The following EPB41L5 variants were observed in gnomAD, a reference collection of about 807,000 sequenced individuals.
EPB41L5 encodes band 4.1-like protein 5.
In EPB41L5, 55 loss-of-function variants were observed where a neutral mutation model predicts 106.6. That is an observed-to-expected ratio of 0.52 (90% CI 0.42 to 0.65). The LOEUF (loss-of-function observed/expected upper bound fraction) is 0.65, where lower values mean the gene tolerates loss of function less well. Ranked by LOEUF, EPB41L5 falls within the 30% of genes least tolerant of loss-of-function variation. The pLI is 0.00. For missense variants in EPB41L5, 871 were observed against 882.1 expected (o/e 0.99, Z 0.16); for synonymous variants, 297 against 306.7 (o/e 0.97, Z 0.33).
At chr2:120,076,162 C>T (rs1390050526) in intron 7 of EPB41L5, among the ~76,000 whole-genome samples, 1 of 152,126 alleles carries the variant, frequency 6.6e-6, no homozygotes, top group Non-Finnish European at 1.5e-5. Context: ...GTGCATTGTT[C>T]AGATTTTTCC....
At chr2:120,167,563 A>G in intron 23 of EPB41L5, 56 bp downstream of exon 23, 2 of 1,536,864 alleles carry the variant, frequency 1.3e-6, no homozygotes, top group East Asian at 4.5e-5. Context: ...GGTAAGGCCT[A>G]AAGGATTACT....
At chr2:120,164,700 T>C in intron 21 of EPB41L5, 136 bp from the exon 22 acceptor site, 1 of 556,250 alleles carries the variant, frequency 1.8e-6, no homozygotes, top group Non-Finnish European at 3.2e-6. Flanking sequence ...CCATGATTTA[T>C]GAGTGTCCCT....
At chr2:120,022,989 G>A (rs1034192616) in intron 2 of EPB41L5, among the ~76,000 whole-genome samples, 1 of 152,132 alleles carries the variant, frequency 6.6e-6, no homozygotes, top group Non-Finnish European at 1.5e-5. Context: ...TTTTTGAGAA[G>A]TGTCCATTCA....
chr2:120,068,608 G>A (rs1681623646), intron 3 of EPB41L5, among the ~76,000 whole-genome samples: 1 of 152,180 alleles, frequency 6.6e-6, no homozygotes, highest in African/African-American at 2.4e-5. Context: ...GGACTGGGCA[G>A]AGCCCATGTC....
chr2:120,170,923 T>A (rs1194075516), intron 24 of EPB41L5, among the ~76,000 whole-genome samples: 1 of 152,234 alleles, frequency 6.6e-6, no homozygotes, highest in East Asian at 1.9e-4. Flanking sequence ...TTCTACATGC[T>A]GATTACAGAG....
chr2:120,132,623 G>A (rs1685753133), intron 18 of EPB41L5, among the ~76,000 whole-genome samples: 1 of 152,098 alleles, frequency 6.6e-6, no homozygotes, highest in Non-Finnish European at 1.5e-5. Flanking sequence ...ATAGCTGTTA[G>A]AAGGTGATTC....
intron 20 of EPB41L5, among the ~76,000 whole-genome samples, chr2:120,149,892 CTTT>C (rs34014223): frequency 9.0e-5 from 10 of 110,902 alleles, no homozygotes; most frequent in Admixed American, 9.7e-5. Context: ...TTTCACTGTA[CTTT>C]TTTTTTTTTT....
chr2:120,143,610 C>T (rs796234261), intron 19 of EPB41L5, among the ~76,000 whole-genome samples: 6 of 152,238 alleles, frequency 3.9e-5, no homozygotes, highest in South Asian at 4.2e-4. Context: ...TTCAAACTTA[C>T]ATTCTGTCCT....
At chr2:120,018,246 C>T (rs1677678741) in intron 1 of EPB41L5, among the ~76,000 whole-genome samples, 1 of 151,988 alleles carries the variant, frequency 6.6e-6, no homozygotes, top group Non-Finnish European at 1.5e-5. Flanking sequence ...GAATTACAGC[C>T]GTGAGCCACC....
chr2:120,093,225 G>T lies in EPB41L5; in HGVS notation c.1151-24G>T, dbSNP rs188090027. On this transcript the variant is annotated intron_variant, in intron 13 of 24. Coordinates refer to ENST00000263713, the MANE Select transcript of EPB41L5 (RefSeq NM_020909.4). ...TATCATGTAAGATGAAACTAATGAG[G>T]TGTTATCTTTTTTCTTCTGTTAGCA... The T allele has an allele frequency of 6.1e-5, 98 of 1,607,084 alleles. No individual in the cohort carries two copies. In the East Asian group the frequency reaches 2.1e-3, roughly 34 times the overall value.
intron 16 of EPB41L5, among the ~76,000 whole-genome samples, chr2:120,112,319 C>T (rs771686093): frequency 1.4e-4 from 22 of 152,172 alleles, no homozygotes; most frequent in South Asian, 2.1e-4. Context: ...ACAGAATGTA[C>T]GCTCCGTTAA....
chr2:120,113,084 TA>T (rs1287968689), intron 16 of EPB41L5, among the ~76,000 whole-genome samples: 9 of 152,320 alleles, frequency 5.9e-5, no homozygotes, highest in African/African-American at 2.2e-4. Flanking sequence ...GATTGTATTA[TA>T]AAAATATGCT....
chr2:120,063,953 AG>A (rs1263749794), intron 3 of EPB41L5, among the ~76,000 whole-genome samples: 1 of 152,048 alleles, frequency 6.6e-6, no homozygotes, highest in African/African-American at 2.4e-5. Flanking sequence ...AAAAAAAAAA[AG>A]AAAAAAGAAA....
At position 120,177,815 on chromosome 2, in the gene EPB41L5, T is replaced by C. The variant is rs1345653020; in HGVS notation, c.*2908T>C. The C allele has an allele frequency of 6.6e-6, 1 of 152,204 alleles. No homozygotes were observed. Among genetic ancestry groups the C allele is most frequent in the Non-Finnish European group, 1.5e-5 (1 of 68,044 alleles). The allele number at this position is 152,204 out of a possible 1,614,324, so 9.4% of individuals were successfully genotyped here. On this transcript the variant is annotated 3_prime_UTR_variant, in exon 25 of 25. Transcript: ENST00000263713. ...CCTTTGTACAATCACAGATATCCTA[T>C]GGAGATTTAAGGATGAAAGCCCTGA...
At chr2:120,039,840 A>G (rs1397115830) in intron 2 of EPB41L5, among the ~76,000 whole-genome samples, 1 of 151,608 alleles carries the variant, frequency 6.6e-6, no homozygotes, top group Non-Finnish European at 1.5e-5. Flanking sequence ...AAAAAAAAAA[A>G]AAAAAAAGAA....
intron 18 of EPB41L5, among the ~76,000 whole-genome samples, chr2:120,140,403 G>A (rs905782653): frequency 1.1e-4 from 16 of 151,802 alleles, no homozygotes; most frequent in Admixed American, 7.9e-4. Flanking sequence ...TACATATCTC[G>A]TGTACCCCAT....
At chr2:120,057,209 C>T (rs1680716801) in intron 3 of EPB41L5, among the ~76,000 whole-genome samples, 1 of 152,040 alleles carries the variant, frequency 6.6e-6, no homozygotes, top group Non-Finnish European at 1.5e-5. Flanking sequence ...CTAAAGGCCA[C>T]TTTAGAGAGT....
intron 22 of EPB41L5, among the ~76,000 whole-genome samples, chr2:120,165,386 G>A (rs1256142906): frequency 6.6e-6 from 1 of 152,054 alleles, no homozygotes; most frequent in Non-Finnish European, 1.5e-5. Context: ...ATATAAAATG[G>A]TGTAGTGTTT....
In EPB41L5 at chr2:120,104,406, A is replaced by T. The variant is rs946391252; in HGVS notation, c.1337+3592A>T. On this transcript the variant is annotated intron_variant, in intron 16 of 24. Coordinates refer to ENST00000263713, the MANE Select transcript of EPB41L5 (RefSeq NM_020909.4). ...ATTGAATTCTTCCATGAAAGGGACAAGGAATCAAGGAAGCCATATAGCATC... is the reference window on the plus strand; with the variant it reads ...ATTGAATTCTTCCATGAAAGGGACATGGAATCAAGGAAGCCATATAGCATC... 13 of 1,387,514 alleles carry T rather than the reference A, an allele frequency of 9.4e-6. No individual in the cohort carries two copies. The African/African-American group carries it at 1.8e-4, about 19-fold the overall frequency. The allele number at this position is 1,387,514 out of a possible 1,614,324, so 86.0% of individuals were successfully genotyped here.
Sources: allele counts gnomAD v4.1 joint callset (sites outside exome capture counted in the v4.1 genomes callset), GRCh38; gene constraint gnomAD v4.1.1; transcripts MANE v1.5; gene names NCBI Gene and HGNC (gene_info 2026-07-23, HGNC 2026-07-21).